KCNIP2: variants seen among roughly 807,000 people sequenced by gnomAD.
KCNIP2 encodes A-type potassium channel modulatory protein KCNIP2.
In KCNIP2, 19 loss-of-function variants were observed where a neutral mutation model predicts 39.0. The ratio of observed to expected loss-of-function variants is 0.49; its 90% CI spans 0.34 to 0.71. The LOEUF (loss-of-function observed/expected upper bound fraction) is 0.71, where lower values mean the gene tolerates loss of function less well. Ranked by LOEUF, KCNIP2 falls within the 30% of genes least tolerant of loss-of-function variation. The pLI is 0.01. For missense variants in KCNIP2, 261 were observed against 346.0 expected, an observed-to-expected ratio of 0.75 and a Z score of 1.95; for synonymous variants, 111 against 131.2, an observed-to-expected ratio of 0.85 and a Z score of 1.05.
intron 1 of KCNIP2, among the ~76,000 whole-genome samples, chr10:101,833,463 C>G (rs1330017938): frequency 6.6e-6 from 1 of 152,118 alleles, no homozygotes; most frequent in African/African-American, 2.4e-5. Context: ...CCAATCATAG[C>G]TGGGCTATAA....
intron 1 of KCNIP2, chr10:101,839,837 T>C (rs1192914539): frequency 1.2e-6 from 2 of 1,602,058 alleles, no homozygotes; most frequent in Non-Finnish European, 1.7e-6. Context: ...GGGCATCGGT[T>C]CATGGTTTGG....
At position 101,840,421 on chromosome 10, in the gene KCNIP2, T is replaced by G. The variant is rs576557615; in HGVS notation, c.73+3075A>C. Among the ~76,000 whole-genome samples the G allele has an allele frequency of 1.6e-4, 24 of 151,870 alleles. No homozygotes were observed. The East Asian group carries it at 4.3e-3, about 27-fold the overall frequency. On this transcript the variant is annotated intron_variant, in intron 1 of 9. Transcript: ENST00000356640. ...GCAGCAGAGTTGTGCCCCACTGCCT[T>G]CTGTCTCCTGGCTCCAAATTCCTTG... is the stretch of plus-strand genomic sequence containing the variant.
chr10:101,834,564 GCCTCTT>G (rs1262464520), intron 1 of KCNIP2, among the ~76,000 whole-genome samples: 4 of 145,076 alleles, frequency 2.8e-5, no homozygotes, highest in Non-Finnish European at 6.3e-5. Flanking sequence ...CACAGCCGCC[GCCTCTT>G]CCTCTTCGCA....
At chr10:101,830,838 CA>C (rs1246908633) in intron 2 of KCNIP2, among the ~76,000 whole-genome samples, 216 of 150,948 alleles carry the variant, frequency 1.4e-3, no homozygotes, top group African/African-American at 5.1e-3. Flanking sequence ...CACGCCCCCC[CA>C]CACACACACG....
chr10:101,827,623 T>G, intron 9 of KCNIP2, 66 bp downstream of exon 9: 1 of 1,570,530 alleles, frequency 6.4e-7, no homozygotes, highest in Non-Finnish European at 8.8e-7. Context: ...CAAAGAAGCT[T>G]TTCCCTGCAT....
chr10:101,831,006 C>A, intron 2 of KCNIP2, 66 bp downstream of exon 2: 1 of 1,371,402 alleles, frequency 7.3e-7, no homozygotes, highest in Non-Finnish European at 1.0e-6. Flanking sequence ...CACGCGCACA[C>A]ACTCATGCAC....
In KCNIP2 at chr10:101,831,186, C is replaced by T. The variant is rs1251993685; in HGVS notation, c.74-19G>A. 2 of 1,559,846 alleles carry T rather than the reference C, an allele frequency of 1.3e-6. No individual in the cohort carries two copies. On this transcript the variant is annotated intron_variant, in intron 1 of 9. Coordinates refer to ENST00000356640, the MANE Select transcript of KCNIP2 (RefSeq NM_173191.3). ...GGGTGGCCTGGGAAGAGAGAAGACCCCAGGAAGGCACATTAACTCCCATTG... is the reference window on the plus strand; with the variant it reads ...GGGTGGCCTGGGAAGAGAGAAGACCTCAGGAAGGCACATTAACTCCCATTG...
At chr10:101,833,952 C>G (rs1226337967) in intron 1 of KCNIP2, among the ~76,000 whole-genome samples, 1 of 152,016 alleles carries the variant, frequency 6.6e-6, no homozygotes, top group East Asian at 1.9e-4. Flanking sequence ...CCAGACCCCT[C>G]CTGGTATCGC....
At position 101,831,157 on chromosome 10, in the gene KCNIP2, T is replaced by C; in HGVS notation, c.84A>G (p.Pro28=). 6.2e-7 allele frequency: 1 copy of C among 1,606,070 alleles called. No homozygotes were observed. The highest frequency in any genetic ancestry group is 2.2e-5 in the East Asian group (1 of 44,528). ...GCTTCAGCGCTTTTTTAGTGGGCCCTGGAGGGTGGCCTGGGAAGAGAGAAG... is the reference window on the plus strand; with the variant it reads ...GCTTCAGCGCTTTTTTAGTGGGCCCCGGAGGGTGGCCTGGGAAGAGAGAAG... ...GSYDQLTGHP[P]GPTKKALKQR... The change falls in exon 2 of 10, where the codon CCA becomes CCG. Residue 28 remains proline, a synonymous_variant. Coordinates refer to ENST00000356640, the MANE Select transcript of KCNIP2 (RefSeq NM_173191.3).
intron 1 of KCNIP2, among the ~76,000 whole-genome samples, chr10:101,832,129 G>A (rs2135163080): frequency 6.6e-6 from 1 of 152,348 alleles, no homozygotes; most frequent in East Asian, 1.9e-4. Flanking sequence ...CTTTGAGGGT[G>A]AAATAATAGT....
At chr10:101,835,493 A>T (rs1032433326) in intron 1 of KCNIP2, among the ~76,000 whole-genome samples, 1 of 151,996 alleles carries the variant, frequency 6.6e-6, no homozygotes, top group Non-Finnish European at 1.5e-5. Context: ...TGTGGCTGGG[A>T]CCTCATCCGG....
In KCNIP2 at chr10:101,827,334, T is replaced by C. The variant is rs1294888598; in HGVS notation, c.*19A>G. On this transcript the variant is annotated 3_prime_UTR_variant, in exon 10 of 10. Transcript: ENST00000356640. Reference sequence around the variant, plus strand: ...AGAGCATGGTCCCCCCAGGAAACACTGACCCCCTCTCCTGGGGGCTAGATG... The same window carrying C: ...AGAGCATGGTCCCCCCAGGAAACACCGACCCCCTCTCCTGGGGGCTAGATG... 6.3e-7 allele frequency: 1 copy of C among 1,593,800 alleles called. No homozygotes were observed. The highest frequency in any genetic ancestry group is 2.3e-5 in the East Asian group (1 of 44,428).
chr10:101,836,276 T>C (rs945227483), intron 1 of KCNIP2, among the ~76,000 whole-genome samples: 26 of 141,074 alleles, frequency 1.8e-4, no homozygotes, highest in East Asian at 1.0e-3. Flanking sequence ...TTTTTTCTCT[T>C]TTTTTTTTTT....
chr10:101,828,891 A>C lies in KCNIP2; in HGVS notation c.348+184T>G. The C allele has an allele frequency of 6.5e-7, 1 of 1,537,398 alleles. No individual in the cohort carries two copies. Among genetic ancestry groups the C allele is most frequent in the Non-Finnish European group, 8.8e-7 (1 of 1,140,116 alleles). On this transcript the variant is annotated intron_variant, in intron 4 of 9. Transcript: ENST00000356640. This position sits in a 1 kb window ranked among gnomAD's most constrained non-coding sequence, Gnocchi z 6.6. ...ATAAAAAACATGGAACGAAACTGACAGTCTACAGGCGCCACTTCCGTTCTG... is the reference window on the plus strand; with the variant it reads ...ATAAAAAACATGGAACGAAACTGACCGTCTACAGGCGCCACTTCCGTTCTG...
At chr10:101,839,833 C>G in intron 1 of KCNIP2, 1 of 1,608,354 alleles carries the variant, frequency 6.2e-7, no homozygotes, top group Non-Finnish European at 8.5e-7. Context: ...GCGGGGGCAT[C>G]GGTTCATGGT....
At position 101,826,724 on chromosome 10, in the gene KCNIP2, G is replaced by T. The variant is rs1038563277; in HGVS notation, c.*629C>A. The T allele has an allele frequency of 6.6e-6, 1 of 152,278 alleles. No homozygotes were observed. The highest frequency in any genetic ancestry group is 1.9e-4 in the East Asian group (1 of 5,206). 9.4% of individuals were successfully genotyped at this position (152,278 alleles called of 1,614,324 possible). Reference sequence around the variant, plus strand: ...GAGACAAGGTCTTCTGCAAAGCCTGGAAACTTATATTTTGATGGCCTGTGG... The same window carrying T: ...GAGACAAGGTCTTCTGCAAAGCCTGTAAACTTATATTTTGATGGCCTGTGG... On this transcript the variant is annotated 3_prime_UTR_variant, in exon 10 of 10. Coordinates refer to ENST00000356640, the MANE Select transcript of KCNIP2 (RefSeq NM_173191.3).
chr10:101,830,346 C>G (rs74811402), intron 2 of KCNIP2: 26,991 of 1,205,580 alleles, frequency 0.022, 364 homozygotes, highest in Non-Finnish European at 0.027. Context: ...ACCATCCTGT[C>G]GGGGCATAGG....
intron 1 of KCNIP2, among the ~76,000 whole-genome samples, chr10:101,837,598 G>A (rs985158908): frequency 2.0e-5 from 3 of 152,076 alleles, no homozygotes; most frequent in African/African-American, 4.8e-5. Flanking sequence ...CCTGGGAGGC[G>A]GAGGTTGCAG....
Position 101,828,939 on chromosome 10 carries a change from T to C in KCNIP2, c.348+136A>G. On this transcript the variant is annotated intron_variant, in intron 4 of 9. Coordinates refer to ENST00000356640, the MANE Select transcript of KCNIP2 (RefSeq NM_173191.3). The surrounding 1 kb of genome is among the most constrained non-coding windows in gnomAD (Gnocchi z 6.6). Reference sequence around the variant, plus strand: ...CTGGCCCCGCCCCAGAACCTCCAGCTAGAAGTTCAGTCTCAGGGCCTTGCC... The same window carrying C: ...CTGGCCCCGCCCCAGAACCTCCAGCCAGAAGTTCAGTCTCAGGGCCTTGCC... 3 of 1,506,510 alleles carry C rather than the reference T, an allele frequency of 2.0e-6. No homozygotes were observed. The highest frequency in any genetic ancestry group is 2.7e-6 in the Non-Finnish European group (3 of 1,122,310). The allele number at this position is 1,506,510 out of a possible 1,614,324, so 93.3% of individuals were successfully genotyped here.
Sources: gnomAD v4.1 joint callset for allele counts (sites outside exome capture counted in the v4.1 genomes callset) on GRCh38, gnomAD v4.1.1 for gene constraint, Gnocchi (gnomAD v3.1) non-coding constraint, MANE v1.5 for transcripts, NCBI Gene and HGNC (gene_info 2026-07-23, HGNC 2026-07-21) for gene names.